Variants in WWOX observed in about 807,000 individuals in gnomAD.
WWOX encodes WW domain containing oxidoreductase, also known as WW domain-containing oxidoreductase.
Under a neutral mutation model 46.2 loss-of-function variants are expected in WWOX, and 69 were observed. The observed-to-expected ratio is 1.49, with a 90% CI of 1.23 to 1.82. The LOEUF (loss-of-function observed/expected upper bound fraction) is 1.82, where lower values mean the gene tolerates loss of function less well. Among genes scored for constraint, WWOX ranks in the 40% most tolerant of loss-of-function variants. WWOX has a pLI of 0.00. For synonymous variants in WWOX, 359 were observed against 202.6 expected (o/e 1.77, Z -6.56); for missense variants, 919 against 542.6 (o/e 1.69, Z -6.89).
intron 8 of WWOX, among the ~76,000 whole-genome samples, chr16:78,839,180 T>A (rs1202028024): frequency 6.6e-6 from 1 of 152,088 alleles, no homozygotes; most frequent in African/African-American, 2.4e-5. Context: ...GGGGGAAAAA[T>A]TCAACAAGTA....
intron 8 of WWOX, among the ~76,000 whole-genome samples, chr16:78,938,501 G>A (rs566198949): frequency 1.1e-4 from 17 of 152,142 alleles, no homozygotes; most frequent in Middle Eastern, 6.8e-3. Flanking sequence ...CTGCTGTCTC[G>A]GTGGGCCTGT....
chr16:78,923,797 T>TG lies in WWOX; in HGVS notation c.1057-287811_1057-287810insG, dbSNP rs1484004802. ...TGCTAGGAACTGTTTTTAGTTAGTT[T>TG]TTTTTTTTTTTTTTTTTTTTCAGAC... On this transcript the variant is annotated intron_variant, in intron 8 of 8. Transcript: ENST00000566780. Among the ~76,000 whole-genome samples, 102 of 64,788 alleles carry TG rather than the reference T, an allele frequency of 1.6e-3. 1 individual carries two copies. The East Asian group carries it at 0.019, about 12-fold the overall frequency. The allele number at this position is 64,788 out of a possible 152,430, so 42.5% of individuals were successfully genotyped here. A position where few individuals can be genotyped will look rare whatever the true frequency, so the allele number is the denominator to read the frequency against.
intron 5 of WWOX, among the ~76,000 whole-genome samples, chr16:78,191,865 A>G (rs1028880524): frequency 1.3e-5 from 2 of 152,224 alleles, no homozygotes; most frequent in African/African-American, 4.8e-5. Flanking sequence ...CTCAGGAGTG[A>G]TGGATGGAAT....
At chr16:78,734,045 G>A (rs1018621073) in intron 8 of WWOX, among the ~76,000 whole-genome samples, 1 of 151,384 alleles carries the variant, frequency 6.6e-6, no homozygotes, top group African/African-American at 2.4e-5. Flanking sequence ...GGGTGATAAA[G>A]TAAGATCCTG....
intron 8 of WWOX, among the ~76,000 whole-genome samples, chr16:78,491,320 C>G (rs966840036): frequency 3.9e-5 from 6 of 152,168 alleles, no homozygotes; most frequent in Admixed American, 3.3e-4. Context: ...TGAGACGCCC[C>G]TTGGGGAAAG....
At chr16:79,142,684 G>C (rs1179736027) in intron 8 of WWOX, among the ~76,000 whole-genome samples, 1 of 152,070 alleles carries the variant, frequency 6.6e-6, no homozygotes, top group Non-Finnish European at 1.5e-5. Flanking sequence ...AGAAGTGCCT[G>C]GATCAGTTTT....
chr16:79,003,787 A>C (rs1211157256), intron 8 of WWOX, among the ~76,000 whole-genome samples: 1 of 152,116 alleles, frequency 6.6e-6, no homozygotes, highest in Non-Finnish European at 1.5e-5. Context: ...TTAGTCTCAG[A>C]AGGCAGAGGG....
At chr16:78,193,033 G>A (rs1214746222) in intron 5 of WWOX, among the ~76,000 whole-genome samples, 2 of 152,216 alleles carry the variant, frequency 1.3e-5, no homozygotes, top group Non-Finnish European at 1.5e-5. Context: ...GGGCTTTCCT[G>A]GGCTCAGCTT....
chr16:78,335,668 T>G (rs2080872784), intron 5 of WWOX, among the ~76,000 whole-genome samples: 1 of 152,168 alleles, frequency 6.6e-6, no homozygotes, highest in South Asian at 2.1e-4. Flanking sequence ...TGCAGCAGTT[T>G]TCACAGTAGA....
At chr16:79,095,859 T>A (rs2049057440) in intron 8 of WWOX, among the ~76,000 whole-genome samples, 1 of 131,062 alleles carries the variant, frequency 7.6e-6, no homozygotes. Flanking sequence ...TCTCTCTCTC[T>A]CTTTTTTTTT....
At chr16:78,407,355 G>A (rs1350570690) in intron 6 of WWOX, among the ~76,000 whole-genome samples, 1 of 152,174 alleles carries the variant, frequency 6.6e-6, no homozygotes, top group Non-Finnish European at 1.5e-5. Flanking sequence ...GGATTGGAAA[G>A]TATTTCCTTT....
chr16:78,241,451 G>A (rs978491354), intron 5 of WWOX, among the ~76,000 whole-genome samples: 1 of 151,870 alleles, frequency 6.6e-6, no homozygotes, highest in African/African-American at 2.4e-5. Context: ...GTTTTGAGAG[G>A]GAGTTTTACT....
intron 5 of WWOX, among the ~76,000 whole-genome samples, chr16:78,361,903 C>T (rs537620018): frequency 8.6e-5 from 13 of 151,736 alleles, no homozygotes; most frequent in Non-Finnish European, 1.8e-4. Context: ...TGAGCTACAG[C>T]GCCTGGCCCC....
intron 8 of WWOX, among the ~76,000 whole-genome samples, chr16:79,079,870 A>G (rs146518798): frequency 1.3e-5 from 2 of 152,318 alleles, no homozygotes; most frequent in African/African-American, 4.8e-5. Flanking sequence ...GCTTTGCCCC[A>G]TTGCACGAAT....
intron 5 of WWOX, among the ~76,000 whole-genome samples, chr16:78,183,736 C>T (rs960182904): frequency 1.3e-5 from 2 of 152,092 alleles, no homozygotes; most frequent in Admixed American, 1.3e-4. Flanking sequence ...TTGAGGTGCC[C>T]CCACCTTTCC....
chr16:78,800,247 C>CT (rs2050851543), intron 8 of WWOX, among the ~76,000 whole-genome samples: 1 of 146,476 alleles, frequency 6.8e-6, no homozygotes, highest in South Asian at 2.2e-4. Flanking sequence ...TGTTCCATGG[C>CT]AAAAAAAAAA....
chr16:78,910,202 G>A (rs547445723), intron 8 of WWOX, among the ~76,000 whole-genome samples: 47 of 152,264 alleles, frequency 3.1e-4, no homozygotes, highest in South Asian at 2.5e-3. Context: ...TTTAGCCAAA[G>A]AAGCATGAAC....
intron 8 of WWOX, among the ~76,000 whole-genome samples, chr16:79,072,497 G>A (rs575311169): frequency 5.3e-5 from 8 of 152,248 alleles, no homozygotes; most frequent in Middle Eastern, 3.4e-3. Context: ...TTTATTTCTG[G>A]ACAGAGAAAA....
intron 5 of WWOX, among the ~76,000 whole-genome samples, chr16:78,332,447 A>T (rs2080781629): frequency 6.6e-6 from 1 of 152,240 alleles, no homozygotes; most frequent in Admixed American, 6.5e-5. Context: ...TATGGGCTGC[A>T]TGAATTCCTG....
Sources: gnomAD v4.1 joint callset for allele counts (sites outside exome capture counted in the v4.1 genomes callset) on GRCh38, gnomAD v4.1.1 for gene constraint, MANE v1.5 for transcripts, NCBI Gene and HGNC (gene_info 2026-07-23, HGNC 2026-07-21) for gene names.